Variants in ANKRD30B observed in about 807,000 individuals in gnomAD.
The protein encoded by ANKRD30B is ankyrin repeat domain 30B.
In ANKRD30B, 144 loss-of-function variants were observed where a neutral mutation model predicts 202.2. That is an observed-to-expected ratio of 0.71 (90% CI 0.62 to 0.82). The LOEUF is 0.82. ANKRD30B is among the 40% of genes least tolerant of loss of function. The pLI is 0.00. For synonymous variants in ANKRD30B, 508 were observed against 561.3 expected, an observed-to-expected ratio of 0.91 and a Z score of 1.34; for missense variants, 1,487 against 1,669.1, an observed-to-expected ratio of 0.89 and a Z score of 1.90.
At chr18:14,807,345 G>A (rs1173101196) in intron 24 of ANKRD30B, among the ~76,000 whole-genome samples, 1 of 150,764 alleles carries the variant, frequency 6.6e-6, no homozygotes, top group African/African-American at 2.5e-5. Flanking sequence ...CATAACAGTG[G>A]TTTAACAACT....
In ANKRD30B at chr18:14,757,912, A is replaced by G; in HGVS notation, c.715A>G (p.Ile239Val). Residue 239 changes from isoleucine (I) to valine (V), a missense_variant, in exon 5 of 44, where the codon ATA becomes GTA. By Grantham distance (29) the Ile-to-Val change is conservative. Around this residue, in one of 6 missense-constraint regions of ANKRD30B, gnomAD observed 889 missense variants for 841.4 expected, o/e 1.06. Transcript: ENST00000690538. ...VDVFAEDIHGITAERYAAACG... is the reference protein window; with the variant it reads ...VDVFAEDIHGVTAERYAAACG... Reference sequence around the variant, plus strand: ...CGTCTTTGCTGAAGACATACATGGAATAACTGCAGAACGTTATGCTGCTGC... The same window carrying G: ...CGTCTTTGCTGAAGACATACATGGAGTAACTGCAGAACGTTATGCTGCTGC... 6.2e-7 allele frequency: 1 copy of G among 1,610,030 alleles called. No homozygotes were observed. The highest frequency in any genetic ancestry group is 8.5e-7 in the Non-Finnish European group (1 of 1,177,722).
chr18:14,846,146 C>G (rs1190096157), intron 39 of ANKRD30B, among the ~76,000 whole-genome samples: 1 of 151,480 alleles, frequency 6.6e-6, no homozygotes, highest in African/African-American at 2.4e-5. Context: ...ACATTCAATG[C>G]TGAAAAGCTT....
intron 15 of ANKRD30B, among the ~76,000 whole-genome samples, chr18:14,791,137 G>A (rs561964272): frequency 1.3e-5 from 2 of 152,142 alleles, no homozygotes; most frequent in Admixed American, 6.5e-5. Flanking sequence ...TATGTGTTGA[G>A]GAATTTATCC....
chr18:14,808,367 C>T, intron 24 of ANKRD30B, 184 bp from the exon 25 acceptor site: 1 of 658,036 alleles, frequency 1.5e-6, no homozygotes, highest in East Asian at 3.1e-5. Flanking sequence ...TTTAAATTTT[C>T]TTAAGTATAT....
At chr18:14,873,622 G>A in the ANKRD30B span, among the ~76,000 whole-genome samples, 17 of 152,004 alleles carry the variant, frequency 1.1e-4, no homozygotes, top group Non-Finnish European at 2.5e-4. Context: ...TGTGACTGTG[G>A]GCAAATTGTT....
At chr18:14,768,134 T>C (rs1274983947) in intron 7 of ANKRD30B, among the ~76,000 whole-genome samples, 1 of 152,056 alleles carries the variant, frequency 6.6e-6, no homozygotes, top group African/African-American at 2.4e-5. Context: ...GAAGATTAGG[T>C]CAATTACCAG....
At chr18:14,805,366 C>A (rs1873490505) in intron 24 of ANKRD30B, among the ~76,000 whole-genome samples, 1 of 150,814 alleles carries the variant, frequency 6.6e-6, no homozygotes, top group Non-Finnish European at 1.5e-5. Context: ...ACAAATACAT[C>A]AATATTGAGG....
the ANKRD30B span, among the ~76,000 whole-genome samples, chr18:14,926,364 A>G: frequency 2.6e-5 from 4 of 152,184 alleles, no homozygotes; most frequent in Non-Finnish European, 4.4e-5. Flanking sequence ...CTCCCTCAGA[A>G]CTGGCTCCAG....
At chr18:14,920,593 G>T in the ANKRD30B span, among the ~76,000 whole-genome samples, 6 of 152,210 alleles carry the variant, frequency 3.9e-5, no homozygotes, top group Non-Finnish European at 8.8e-5. Context: ...AAGTCTGGGT[G>T]TCCCTGGATT....
chr18:14,851,437 CT>C (rs1971880299), intron 41 of ANKRD30B, 71 bp from the exon 42 acceptor site: 1 of 1,417,298 alleles, frequency 7.1e-7, no homozygotes, highest in South Asian at 1.6e-5. Context: ...ACAAGTTGTT[CT>C]TTAATTTCAG....
intron 24 of ANKRD30B, among the ~76,000 whole-genome samples, chr18:14,804,594 C>A (rs922288884): frequency 6.6e-6 from 1 of 150,548 alleles, no homozygotes; most frequent in African/African-American, 2.5e-5. Context: ...GATGAGAGAC[C>A]TTTGTGGGAA....
the ANKRD30B span, among the ~76,000 whole-genome samples, chr18:14,862,208 A>G: frequency 6.6e-6 from 1 of 151,544 alleles, no homozygotes; most frequent in Non-Finnish European, 1.5e-5. Flanking sequence ...AACAAGCTAA[A>G]ATAGCCAAAC....
chr18:14,806,970 T>G (rs1418869270), intron 24 of ANKRD30B, among the ~76,000 whole-genome samples: 1 of 151,010 alleles, frequency 6.6e-6, no homozygotes, highest in Non-Finnish European at 1.5e-5. Context: ...CTCATCGTAA[T>G]TAAAGCGGGT....
chr18:14,764,202 C>T, intron 7 of ANKRD30B, 112 bp downstream of exon 7: 1 of 1,124,538 alleles, frequency 8.9e-7, no homozygotes, highest in Non-Finnish European at 1.2e-6. Flanking sequence ...ATAAGGCAAG[C>T]TTAGGCAACA....
At chr18:14,930,900 G>A in the ANKRD30B span, among the ~76,000 whole-genome samples, 8 of 152,204 alleles carry the variant, frequency 5.3e-5, no homozygotes, top group Admixed American at 3.9e-4. Context: ...CAGGAGTTTG[G>A]TGCTGGCCTC....
In ANKRD30B at chr18:14,820,692, C is replaced by G. The variant is rs1970369436; in HGVS notation, c.2642-1791C>G. Among the ~76,000 whole-genome samples, 3 of 152,080 alleles carry G rather than the reference C, an allele frequency of 2.0e-5. No individual in the cohort carries two copies. In the South Asian group the frequency reaches 6.2e-4, roughly 32 times the overall value. Reference sequence around the variant, plus strand: ...ATTGATTTGCATATATTGAACCAGCCTTGCATCCCAGGGATGAAGCCCACT... The same window carrying G: ...ATTGATTTGCATATATTGAACCAGCGTTGCATCCCAGGGATGAAGCCCACT... On this transcript the variant is annotated intron_variant, in intron 30 of 43. Coordinates refer to ENST00000690538, the MANE Select transcript of ANKRD30B (RefSeq NM_001367607.2).
intron 33 of ANKRD30B, 121 bp from the exon 34 acceptor site, chr18:14,831,262 A>T (rs1298194531): frequency 5.3e-6 from 3 of 566,788 alleles, no homozygotes; most frequent in African/African-American, 4.1e-5. Context: ...TTGAGGACTG[A>T]TCTTTCCCCA....
the ANKRD30B span, among the ~76,000 whole-genome samples, chr18:14,938,917 C>T: frequency 6.6e-6 from 1 of 152,036 alleles, no homozygotes; most frequent in Admixed American, 6.6e-5. Flanking sequence ...GCTTTCATTT[C>T]CCCCCCAGGA....
chr18:14,920,135 A>G, the ANKRD30B span, among the ~76,000 whole-genome samples: 1 of 152,232 alleles, frequency 6.6e-6, no homozygotes, highest in East Asian at 1.9e-4. Context: ...AGTGGGGAGT[A>G]CAGGCTGACC....
Sources: gnomAD v4.1 joint callset for allele counts (sites outside exome capture counted in the v4.1 genomes callset) on GRCh38, gnomAD v4.1.1 for gene constraint, gnomAD v4.1.1 regional missense constraint, MANE v1.5 for transcripts, NCBI Gene and HGNC (gene_info 2026-07-23, HGNC 2026-07-21) for gene names.